SH3BGRL2: variants seen among roughly 807,000 people sequenced by gnomAD.
SH3BGRL2 encodes SH3 domain binding glutamate rich protein like 2, also known as SH3 domain-binding glutamic acid-rich-like protein 2.
A neutral mutation model predicts 14.8 loss-of-function variants in SH3BGRL2; 21 were observed. The observed-to-expected ratio is 1.42, with a 90% CI of 1.01 to 2.05. SH3BGRL2 has a LOEUF of 2.05. Among genes scored for constraint, SH3BGRL2 ranks in the 30% most tolerant of loss-of-function variants. The probability of loss-of-function intolerance (pLI) is 0.00; values close to 1 mark genes in which losing one functional copy is unlikely to be tolerated. For synonymous variants in SH3BGRL2, 50 were observed against 47.8 expected (o/e 1.05, Z -0.19); for missense variants, 147 against 130.8 (o/e 1.12, Z -0.61).
chr6:79,542,293 G>T, the SH3BGRL2 span, among the ~76,000 whole-genome samples: 6 of 150,980 alleles, frequency 4.0e-5, no homozygotes, highest in Admixed American at 3.3e-4. Flanking sequence ...CCGAGACAGG[G>T]TTTCACTCTT....
intron 2 of SH3BGRL2, among the ~76,000 whole-genome samples, chr6:79,689,577 A>T (rs780989213): frequency 7.2e-5 from 11 of 152,082 alleles, no homozygotes; most frequent in Non-Finnish European, 1.3e-4. Flanking sequence ...TAATTGAGAC[A>T]GGATCTTGCC....
At chr6:79,611,057 G>T in the SH3BGRL2 span, among the ~76,000 whole-genome samples, 1 of 152,036 alleles carries the variant, frequency 6.6e-6, no homozygotes, top group Non-Finnish European at 1.5e-5. Context: ...ATCCCTTTTG[G>T]CTCTAAAATT....
In SH3BGRL2 at chr6:79,693,523, A is replaced by T. The variant is rs375908458; in HGVS notation, c.232-2962A>T. Among the ~76,000 whole-genome samples the T allele has an allele frequency of 2.1e-4, 32 of 149,682 alleles. No individual in the cohort carries two copies. In the East Asian group the frequency reaches 5.8e-3, roughly 27 times the overall value. Reference sequence around the variant, plus strand: ...CATAGATAGCTCTTATTATTTTGAGATACGTCCCATCAATACCTAATTTAT... The same window carrying T: ...CATAGATAGCTCTTATTATTTTGAGTTACGTCCCATCAATACCTAATTTAT... On this transcript the variant is annotated intron_variant, in intron 2 of 3. Transcript: ENST00000369838.
At chr6:79,630,524 A>G (rs1504367), upstream of SH3BGRL2, among the ~76,000 whole-genome samples, 13,598 of 152,220 alleles carry the variant, frequency 0.089, 690 homozygotes, top group Non-Finnish European at 0.12. Context: ...CCTCCTGGGA[A>G]ACTGCGCTGG....
At chr6:79,622,865 G>GAGAA in the SH3BGRL2 span, among the ~76,000 whole-genome samples, 1 of 152,180 alleles carries the variant, frequency 6.6e-6, no homozygotes, top group Non-Finnish European at 1.5e-5. Flanking sequence ...GTTACTGATA[G>GAGAA]AGAGCAAGTG....
chr6:79,627,708 C>T (rs1043159081), upstream of SH3BGRL2, among the ~76,000 whole-genome samples: 3 of 152,172 alleles, frequency 2.0e-5, no homozygotes, highest in African/African-American at 7.2e-5. Context: ...TTTAATTCCT[C>T]ATTCTTTTTC....
chr6:79,639,850 T>A (rs980760772), intron 1 of SH3BGRL2, among the ~76,000 whole-genome samples: 1 of 152,140 alleles, frequency 6.6e-6, no homozygotes, highest in Non-Finnish European at 1.5e-5. Context: ...CCTGTATTCA[T>A]TTTTTTCTGT....
intron 2 of SH3BGRL2, among the ~76,000 whole-genome samples, chr6:79,679,098 T>C (rs1439242791): frequency 6.6e-6 from 1 of 152,352 alleles, no homozygotes; most frequent in African/African-American, 2.4e-5. Context: ...CATATATCTC[T>C]TTGGTATAAT....
the SH3BGRL2 span, among the ~76,000 whole-genome samples, chr6:79,592,239 T>C: frequency 6.6e-6 from 1 of 152,202 alleles, no homozygotes; most frequent in Non-Finnish European, 1.5e-5. Flanking sequence ...CAAGGCAGTG[T>C]GATAATACCA....
intron 1 of SH3BGRL2, among the ~76,000 whole-genome samples, chr6:79,643,722 C>G (rs1054404708): frequency 1.3e-5 from 2 of 152,150 alleles, no homozygotes; most frequent in African/African-American, 4.8e-5. Flanking sequence ...AAACAACTTG[C>G]CTTGTCATAG....
At chr6:79,659,054 G>A (rs1384165258) in intron 1 of SH3BGRL2, among the ~76,000 whole-genome samples, 1 of 152,088 alleles carries the variant, frequency 6.6e-6, no homozygotes, top group Admixed American at 6.5e-5. Context: ...TGTCAGATGG[G>A]TAGATTGCAA....
the SH3BGRL2 span, among the ~76,000 whole-genome samples, chr6:79,546,392 T>C: frequency 6.6e-6 from 1 of 152,086 alleles, no homozygotes; most frequent in Non-Finnish European, 1.5e-5. Flanking sequence ...TAAAGAGCCA[T>C]AAATAATTAG....
chr6:79,669,279 T>G (rs1311887100), intron 1 of SH3BGRL2, among the ~76,000 whole-genome samples: 3 of 152,086 alleles, frequency 2.0e-5, no homozygotes, highest in Non-Finnish European at 4.4e-5. Context: ...GAGGGCTCTT[T>G]GAAGAGGTGA....
the SH3BGRL2 span, among the ~76,000 whole-genome samples, chr6:79,562,829 C>T: frequency 6.6e-6 from 1 of 150,910 alleles, no homozygotes; most frequent in African/African-American, 2.4e-5. Context: ...ACAAAACTAG[C>T]AAAAAAAAAC....
the SH3BGRL2 span, among the ~76,000 whole-genome samples, chr6:79,599,081 CAA>C: frequency 4.8e-4 from 54 of 112,214 alleles, no homozygotes; most frequent in Admixed American, 7.2e-4. Context: ...AACTCTGTCT[CAA>C]AAAAAAAAAA....
At chr6:79,640,268 A>G (rs1769004625) in intron 1 of SH3BGRL2, among the ~76,000 whole-genome samples, 1 of 152,178 alleles carries the variant, frequency 6.6e-6, no homozygotes, top group African/African-American at 2.4e-5. Flanking sequence ...ATCTGTCAGC[A>G]CTGGCTAGTT....
the SH3BGRL2 span, among the ~76,000 whole-genome samples, chr6:79,594,054 A>G: frequency 1.3e-5 from 2 of 151,710 alleles, no homozygotes; most frequent in Admixed American, 1.3e-4. Flanking sequence ...AAAACTTCAG[A>G]CACTGGAATT....
chr6:79,644,401 G>A (rs1769087891), intron 1 of SH3BGRL2, among the ~76,000 whole-genome samples: 1 of 152,112 alleles, frequency 6.6e-6, no homozygotes, highest in Non-Finnish European at 1.5e-5. Context: ...GTAGGGAGGA[G>A]GCCTGCAGGA....
At chr6:79,676,528 C>T (rs1769885228) in intron 2 of SH3BGRL2, among the ~76,000 whole-genome samples, 1 of 151,880 alleles carries the variant, frequency 6.6e-6, no homozygotes, top group Admixed American at 6.6e-5. Flanking sequence ...AGATCTTTCA[C>T]CATTTCTCTT....
Sources: gnomAD v4.1 joint callset for allele counts (sites outside exome capture counted in the v4.1 genomes callset) on GRCh38, gnomAD v4.1.1 for gene constraint, MANE v1.5 for transcripts, NCBI Gene and HGNC (gene_info 2026-07-23, HGNC 2026-07-21) for gene names.